SNAP91: variants seen among roughly 807,000 people sequenced by gnomAD.
SNAP91 encodes the protein clathrin coat assembly protein AP180.
A neutral mutation model predicts 100.3 loss-of-function variants in SNAP91; 27 were observed. The ratio of observed to expected loss-of-function variants is 0.27; its 90% CI spans 0.20 to 0.37. The LOEUF is 0.37. SNAP91 is among the 10% of genes least tolerant of loss of function. SNAP91 has a pLI of 1.00. For missense variants in SNAP91, 986 were observed against 1,123.7 expected, an observed-to-expected ratio of 0.88 and a Z score of 1.75; for synonymous variants, 404 against 398.6, an observed-to-expected ratio of 1.01 and a Z score of -0.16.
chr6:83,662,802 T>G (rs530364902), intron 3 of SNAP91, among the ~76,000 whole-genome samples: 17 of 152,270 alleles, frequency 1.1e-4, no homozygotes, highest in Non-Finnish European at 2.4e-4. Flanking sequence ...TCTCCTAACA[T>G]TTTTGCTTAA....
At chr6:83,591,097 G>C in intron 22 of SNAP91, 114 bp downstream of exon 22, 1 of 678,536 alleles carries the variant, frequency 1.5e-6, no homozygotes, top group Non-Finnish European at 2.5e-6. Context: ...TCAATTTTAT[G>C]TCTTGAAAGA....
At chr6:83,565,511 C>T (rs1439950700) in intron 26 of SNAP91, among the ~76,000 whole-genome samples, 1 of 152,116 alleles carries the variant, frequency 6.6e-6, no homozygotes, top group Non-Finnish European at 1.5e-5. Flanking sequence ...TGAGTGCTCC[C>T]ATGTGTAAGC....
chr6:83,642,130 T>C (rs552833154), intron 7 of SNAP91, among the ~76,000 whole-genome samples: 8 of 151,178 alleles, frequency 5.3e-5, no homozygotes, highest in Admixed American at 3.3e-4. Flanking sequence ...TATAAGTTCA[T>C]TATTTTATAT....
chr6:83,695,256 AAC>A (rs1230967502), intron 2 of SNAP91, among the ~76,000 whole-genome samples: 1 of 135,432 alleles, frequency 7.4e-6, no homozygotes, highest in African/African-American at 2.7e-5. Flanking sequence ...CAGCCTGGGT[AAC>A]AGAGTGAGGC....
rs770958151 is a variant in SNAP91 at position 83,582,287 on chromosome 6, G to T, written c.2084C>A (p.Pro695His). 1.9e-6 allele frequency: 3 copies of T among 1,613,582 alleles called. No individual in the cohort carries two copies. The South Asian group carries it at 3.3e-5, about 18-fold the overall frequency. The change falls in exon 23 of 30, where the codon CCC becomes CAC. Residue 695 changes from proline (P) to histidine (H), a missense_variant. By Grantham distance (77) the Pro-to-His change is moderately conservative. This residue lies in a region of SNAP91 where 575 missense variants were observed against 579.9 expected (regional missense o/e 0.99). Transcript: ENST00000369694. ...TGTCCCAAAAGCTGCCTCAAAATTG[G>T]GCTGTAGCAGGTTATTCTGAGCTGG... ...VTPAQNNLLQPNFEAAFGTTP... is the reference protein window; with the variant it reads ...VTPAQNNLLQHNFEAAFGTTP...
chr6:83,651,711 C>G (rs555798813), intron 7 of SNAP91, among the ~76,000 whole-genome samples: 1 of 152,178 alleles, frequency 6.6e-6, no homozygotes, highest in Non-Finnish European at 1.5e-5. Context: ...AATGTGCATT[C>G]TGCTCTTTTT....
At chr6:83,636,989 G>A (rs1049759993) in intron 8 of SNAP91, among the ~76,000 whole-genome samples, 2 of 152,182 alleles carry the variant, frequency 1.3e-5, no homozygotes, top group Non-Finnish European at 2.9e-5. Flanking sequence ...CAGAGGTGTT[G>A]CACGGTGAAA....
At chr6:83,673,098 C>T (rs1374122265) in intron 2 of SNAP91, among the ~76,000 whole-genome samples, 1 of 152,044 alleles carries the variant, frequency 6.6e-6, no homozygotes, top group African/African-American at 2.4e-5. Context: ...GAATATTTGC[C>T]ACATGGACAA....
chr6:83,629,238 A>G (rs1420311297), intron 8 of SNAP91, among the ~76,000 whole-genome samples: 1 of 152,138 alleles, frequency 6.6e-6, no homozygotes. Flanking sequence ...TTTTTACACA[A>G]GTACCATGTT....
intron 2 of SNAP91, among the ~76,000 whole-genome samples, chr6:83,667,191 G>A (rs1022337290): frequency 1.3e-5 from 2 of 151,992 alleles, no homozygotes; most frequent in Non-Finnish European, 2.9e-5. Context: ...GCATTTAAAC[G>A]TAACAGAAGA....
intron 26 of SNAP91, 79 bp from the exon 27 acceptor site, chr6:83,561,026 G>T (rs1299444388): frequency 3.3e-6 from 3 of 921,112 alleles, no homozygotes; most frequent in Non-Finnish European, 4.8e-6. Context: ...CAAACAAAAA[G>T]AACAATATAA....
intron 26 of SNAP91, among the ~76,000 whole-genome samples, chr6:83,566,775 G>C (rs1364373452): frequency 6.6e-6 from 1 of 152,042 alleles, no homozygotes; most frequent in African/African-American, 2.4e-5. Flanking sequence ...AATTGCCAAC[G>C]AACAGATTCT....
chr6:83,707,726 C>T, intron 2 of SNAP91, 72 bp downstream of exon 2: 11 of 1,582,286 alleles, frequency 7.0e-6, no homozygotes, highest in Non-Finnish European at 8.6e-6. Flanking sequence ...GGACCAAGAG[C>T]GCAGGCCGCA....
intron 22 of SNAP91, among the ~76,000 whole-genome samples, chr6:83,584,071 G>GT (rs1832320039): frequency 6.6e-6 from 1 of 152,314 alleles, no homozygotes; most frequent in East Asian, 1.9e-4. Context: ...TAGGTTAAAA[G>GT]TAATTATTTT....
chr6:83,585,556 T>C (rs1182573989), intron 22 of SNAP91, among the ~76,000 whole-genome samples: 1 of 146,432 alleles, frequency 6.8e-6, no homozygotes, highest in Non-Finnish European at 1.5e-5. Context: ...AGAAAGGTGC[T>C]CTATGGAATG....
intron 26 of SNAP91, among the ~76,000 whole-genome samples, chr6:83,561,290 C>T (rs1787208046): frequency 6.6e-6 from 1 of 152,204 alleles, no homozygotes; most frequent in Non-Finnish European, 1.5e-5. Context: ...AGCAGTCCTC[C>T]TGCCTTGGCC....
In SNAP91 at chr6:83,708,857, C is replaced by A. The variant is rs1489576898; in HGVS notation, c.-43G>T. 2.6e-5 allele frequency: 4 copies of A among 151,990 alleles called. No homozygotes were observed. The highest frequency in any genetic ancestry group is 5.9e-5 in the Non-Finnish European group (4 of 67,976). The allele number at this position is 151,990 out of a possible 1,614,324, so 9.4% of individuals were successfully genotyped here. On this transcript the variant is annotated 5_prime_UTR_variant, in exon 1 of 30. Coordinates refer to ENST00000369694, the MANE Select transcript of SNAP91 (RefSeq NM_001242792.2). ...CGCGGGTACTCACCCCGCCCCTGAG[C>A]GGCGCCGCCCGCCGCAGGATGAGCG...
intron 2 of SNAP91, among the ~76,000 whole-genome samples, chr6:83,706,391 A>G (rs1366113150): frequency 1.3e-5 from 2 of 152,252 alleles, no homozygotes; most frequent in Admixed American, 1.3e-4. Flanking sequence ...TACTTCTCTT[A>G]GGTGCCCTGG....
intron 2 of SNAP91, among the ~76,000 whole-genome samples, chr6:83,674,108 C>T (rs749346059): frequency 2.5e-4 from 38 of 152,048 alleles, no homozygotes; most frequent in Non-Finnish European, 3.8e-4. Flanking sequence ...CCTGGAAGTA[C>T]CCTTGCTGGG....
Sources: allele counts gnomAD v4.1 joint callset (sites outside exome capture counted in the v4.1 genomes callset), GRCh38; gene constraint gnomAD v4.1.1; regional missense constraint gnomAD v4.1.1; transcripts MANE v1.5; gene names NCBI Gene and HGNC (gene_info 2026-07-23, HGNC 2026-07-21).